Variants in MYO1A observed in about 807,000 individuals in gnomAD.
MYO1A encodes unconventional myosin-Ia.
In MYO1A, 127 loss-of-function variants were observed where a neutral mutation model predicts 138.5. The ratio of observed to expected loss-of-function variants is 0.92; its 90% CI spans 0.79 to 1.06. The LOEUF (loss-of-function observed/expected upper bound fraction) is 1.06, where lower values mean the gene tolerates loss of function less well. Ranked by LOEUF, MYO1A falls within the 50% of genes least tolerant of loss-of-function variation. The pLI, the probability that MYO1A is intolerant of heterozygous loss-of-function variation, is 0.00. For synonymous variants in MYO1A, 477 were observed against 497.5 expected (o/e 0.96, Z 0.55); for missense variants, 1,211 against 1,288.8 (o/e 0.94, Z 0.92).
At chr12:57,031,720 G>A (rs1269460577) in intron 22 of MYO1A, among the ~76,000 whole-genome samples, 2 of 152,236 alleles carry the variant, frequency 1.3e-5, no homozygotes, top group East Asian at 1.9e-4. Context: ...CTCTTAAGCT[G>A]AGGGATCCAG....
At chr12:57,045,293 A>T (rs1437271320) in intron 8 of MYO1A, among the ~76,000 whole-genome samples, 1 of 152,040 alleles carries the variant, frequency 6.6e-6, no homozygotes, top group East Asian at 1.9e-4. Flanking sequence ...AGTTTGAGGG[A>T]TGTCAATTAT....
chr12:57,036,459 G>T (rs943586253), intron 21 of MYO1A, 78 bp from the exon 22 acceptor site: 2 of 1,372,238 alleles, frequency 1.5e-6, no homozygotes, highest in East Asian at 2.3e-5. Flanking sequence ...TTTCAACCAC[G>T]CAAAGACCTG....
At chr12:57,042,928 T>A (rs1425487499) in intron 12 of MYO1A, 144 bp downstream of exon 12, 7 of 775,084 alleles carry the variant, frequency 9.0e-6, no homozygotes, top group Non-Finnish European at 1.6e-5. Context: ...GATGTTTCCA[T>A]GACAACACAC....
intron 22 of MYO1A, among the ~76,000 whole-genome samples, chr12:57,033,752 C>T (rs944046127): frequency 6.6e-6 from 1 of 152,196 alleles, no homozygotes; most frequent in Admixed American, 6.5e-5. Context: ...TTGGCACTTC[C>T]AAATGTCTGG....
At position 57,028,925 on chromosome 12, in the gene MYO1A, C is replaced by A. The variant is rs750372080; in HGVS notation, c.3006-44G>T. 4.4e-6 allele frequency: 7 copies of A among 1,607,856 alleles called. No individual in the cohort carries two copies. In the South Asian group the frequency reaches 7.7e-5, roughly 18 times the overall value. ...ACCAAGTCTAGTGCCCATCCCCTCACCCCGACTCCCGCATTTCCATGATGG... is the reference window on the plus strand; with the variant it reads ...ACCAAGTCTAGTGCCCATCCCCTCAACCCGACTCCCGCATTTCCATGATGG... On this transcript the variant is annotated intron_variant, in intron 27 of 27. Coordinates refer to ENST00000300119, the MANE Select transcript of MYO1A (RefSeq NM_005379.4).
At position 57,043,964 on chromosome 12, in the gene MYO1A, GA is replaced by G. The variant is rs749535459; in HGVS notation, c.783del (p.Arg262AspfsTer4). The G allele has an allele frequency of 1.2e-6, 2 of 1,614,092 alleles. No individual in the cohort carries two copies. The highest frequency in any genetic ancestry group is 1.7e-6 in the Non-Finnish European group (2 of 1,180,010). ...MAVIGFSEEE[I>X]RQVLEVTSMV... ...ATGGATGTCACCTCTAGCACTTGTC[GA>G]ATCTCCTCCTCCGAGAACCCAATCA... On this transcript the variant is annotated frameshift_variant, in exon 10 of 28. Coordinates refer to ENST00000300119, the MANE Select transcript of MYO1A (RefSeq NM_005379.4). LOFTEE classifies it high-confidence loss of function.
At position 57,029,790 on chromosome 12, in the gene MYO1A, GC is replaced by G; in HGVS notation, c.2673del (p.Pro892LeufsTer3). 6.2e-7 allele frequency: 1 copy of G among 1,614,138 alleles called. No homozygotes were observed. Among genetic ancestry groups the G allele is most frequent in the Non-Finnish European group, 8.5e-7 (1 of 1,180,028 alleles). On this transcript the variant is annotated frameshift_variant, in exon 25 of 28. Coordinates refer to ENST00000300119, the MANE Select transcript of MYO1A (RefSeq NM_005379.4). LOFTEE classifies it high-confidence loss of function. ...TTCACGGCCTCTGCCATCAGAACAGGCCCCTCCTCCCCGCCTTTCAGCTTCT... is the reference window on the plus strand; with the variant it reads ...TTCACGGCCTCTGCCATCAGAACAGGCCCTCCTCCCCGCCTTTCAGCTTCT... ...KLQKLKGGEE[G>X]PVLMAEAVKK...
At chr12:57,040,442 G>A (rs2030807573) in intron 14 of MYO1A, among the ~76,000 whole-genome samples, 1 of 152,162 alleles carries the variant, frequency 6.6e-6, no homozygotes, top group Admixed American at 6.5e-5. Flanking sequence ...GAGGCTAGGG[G>A]CAGAAGTAGG....
In MYO1A at chr12:57,046,715, A is replaced by G. The variant is rs373070193; in HGVS notation, c.542-65T>C. On this transcript the variant is annotated intron_variant, in intron 7 of 27. Coordinates refer to ENST00000300119, the MANE Select transcript of MYO1A (RefSeq NM_005379.4). The stretch of plus-strand genomic sequence containing the variant: ...GAGATGCCGTAGCTTCTCCAGCCCT[A>G]CTGGAGAATGCCCCCATCGCCGGCA... 6.8e-5 allele frequency: 101 copies of G among 1,486,760 alleles called. 2 individuals carry two copies. The highest frequency in any genetic ancestry group is 5.6e-4 in the East Asian group (25 of 44,260). The allele number at this position is 1,486,760 out of a possible 1,614,324, so 92.1% of individuals were successfully genotyped here.
intron 17 of MYO1A, 47 bp from the exon 18 acceptor site, chr12:57,038,116 T>C: frequency 1.3e-6 from 2 of 1,598,086 alleles, no homozygotes; most frequent in South Asian, 1.1e-5. Context: ...CTGACATCAT[T>C]GCCAGTGTAA....
chr12:57,050,898 A>G (rs1397253224), upstream of MYO1A: 5 of 152,238 alleles, frequency 3.3e-5, no homozygotes, highest in East Asian at 5.8e-4. Flanking sequence ...TGGCAGAACC[A>G]GGAACAGAAT....
Position 57,029,803 on chromosome 12 carries a change from G to A in MYO1A, c.2661C>T (p.Gly887=), listed in dbSNP as rs768104446. Residue 887 remains glycine, a synonymous_variant, in exon 25 of 28, where the codon GGC becomes GGT. Transcript: ENST00000300119. Reference sequence around the variant, plus strand: ...CCATCAGAACAGGCCCCTCCTCCCCGCCTTTCAGCTTCTGCAGCTTGGGGT... The same window carrying A: ...CCATCAGAACAGGCCCCTCCTCCCCACCTTTCAGCTTCTGCAGCTTGGGGT... ...QGNPKLQKLK[G]GEEGPVLMAE... is the part of the protein sequence containing the mutation. 4.3e-6 allele frequency: 7 copies of A among 1,614,076 alleles called. No individual in the cohort carries two copies. The Admixed American group carries it at 6.7e-5, about 15-fold the overall frequency.
chr12:57,034,146 C>G (rs577269472), intron 22 of MYO1A, among the ~76,000 whole-genome samples: 1 of 152,292 alleles, frequency 6.6e-6, no homozygotes, highest in African/African-American at 2.4e-5. Flanking sequence ...GTTGCCCAAG[C>G]CTCTATTGAT....
At chr12:57,031,865 C>T (rs1370155281) in intron 22 of MYO1A, among the ~76,000 whole-genome samples, 1 of 152,214 alleles carries the variant, frequency 6.6e-6, no homozygotes, top group Admixed American at 6.5e-5. Flanking sequence ...TGTCCAAGAT[C>T]CCATGCTCTT....
chr12:57,044,126 A>T lies in MYO1A; in HGVS notation c.724T>A (p.Ser242Thr), dbSNP rs1258481707. Residue 242 changes from serine to threonine, a missense_variant, in exon 9 of 28, where the codon TCC (serine) becomes ACC (threonine). Physicochemically the swap from Ser to Thr is moderately conservative, Grantham distance 58. Transcript: ENST00000300119. ...VSRVDGMDDASSFRAVQSAMA... is the reference protein window; with the variant it reads ...VSRVDGMDDATSFRAVQSAMA... The stretch of plus-strand genomic sequence containing the variant: ...CCCACCTGTACAGCCCTGAAGCTGG[A>T]GGCGTCGTCCATGCCATCCACTCTG... 6.2e-7 allele frequency: 1 copy of T among 1,614,196 alleles called. No individual in the cohort carries two copies. The highest frequency in any genetic ancestry group is 1.7e-5 in the Admixed American group (1 of 60,030).
intron 8 of MYO1A, among the ~76,000 whole-genome samples, chr12:57,045,890 G>A (rs757357067): frequency 2.5e-4 from 38 of 151,620 alleles, no homozygotes; most frequent in Non-Finnish European, 3.7e-4. Context: ...TGATGGCCCC[G>A]ATCACACAAT....
At position 57,037,022 on chromosome 12, in the gene MYO1A, G is replaced by A. The variant is rs185972678; in HGVS notation, c.2125C>T (p.Arg709Ter). ...TAGTGGGTGCGGCAGCGCCAGCCTC[G>A]GTAAATCTTCTGTATGAGTGTGGCC... ...QLATLIQKIY[R>*]GWRCRTHYQL... The change falls in exon 20 of 28, where the codon CGA (arginine) becomes TGA (stop). Residue 709 changes from arginine to a stop codon, truncating the protein, a stop_gained. Transcript: ENST00000300119. LOFTEE classifies it high-confidence loss of function. 30 of 1,614,116 alleles carry A rather than the reference G, an allele frequency of 1.9e-5. No individual in the cohort carries two copies. In the Admixed American group the frequency reaches 2.8e-4, roughly 15 times the overall value.
chr12:57,036,475 G>T, intron 21 of MYO1A, 94 bp from the exon 22 acceptor site: 1 of 1,255,694 alleles, frequency 8.0e-7, no homozygotes, highest in Non-Finnish European at 1.2e-6. Flanking sequence ...ACCTGAGTAA[G>T]ATAAAGAGCT....
chr12:57,036,241 A>G, intron 22 of MYO1A, 66 bp downstream of exon 22: 2 of 1,516,230 alleles, frequency 1.3e-6, no homozygotes, highest in East Asian at 2.3e-5. Flanking sequence ...CTCTTCTCAA[A>G]CCCCTCTCCC....
Sources: allele counts gnomAD v4.1 joint callset (sites outside exome capture counted in the v4.1 genomes callset), GRCh38; gene constraint gnomAD v4.1.1; transcripts MANE v1.5; gene names NCBI Gene and HGNC (gene_info 2026-07-23, HGNC 2026-07-21).